Variants in DMGDH observed in about 807,000 individuals in gnomAD.
DMGDH encodes the protein dimethylglycine dehydrogenase.
Under a neutral mutation model 95.2 loss-of-function variants are expected in DMGDH, and 76 were observed. The ratio of observed to expected loss-of-function variants is 0.80; its 90% CI spans 0.66 to 0.97. The LOEUF (loss-of-function observed/expected upper bound fraction) is 0.97, where lower values mean the gene tolerates loss of function less well. Ranked by LOEUF, DMGDH falls within the 50% of genes least tolerant of loss-of-function variation. DMGDH has a pLI of 0.00. For synonymous variants in DMGDH, 345 were observed against 377.6 expected (o/e 0.91, Z 1.00); for missense variants, 987 against 1,055.0 (o/e 0.94, Z 0.89).
intron 1 of DMGDH, among the ~76,000 whole-genome samples, chr5:79,066,251 G>A (rs1442987810): frequency 6.6e-6 from 1 of 151,718 alleles, no homozygotes; most frequent in Non-Finnish European, 1.5e-5. Flanking sequence ...TGTGTTTTAT[G>A]ACCTTCACAT....
intron 5 of DMGDH, among the ~76,000 whole-genome samples, chr5:79,049,499 T>C (rs557925412): frequency 1.0e-3 from 159 of 152,214 alleles, no homozygotes; most frequent in Non-Finnish European, 1.6e-3. Flanking sequence ...CCACAGGTGC[T>C]GGATGTGGAA....
rs1753812908 is a variant in DMGDH at position 79,019,565 on chromosome 5, T to C, written c.2250+4706A>G. 1.3e-5 allele frequency among the ~76,000 whole-genome samples: 2 copies of C among 152,098 alleles called. 1 individual carries two copies. Among genetic ancestry groups the C allele is most frequent in the South Asian group, 4.2e-4 (2 of 4,818 alleles). On this transcript the variant is annotated intron_variant, in intron 14 of 15. Coordinates refer to ENST00000255189, the MANE Select transcript of DMGDH (RefSeq NM_013391.3). ...GGTCCATGTACTTAAATAAACTGCA[T>C]TGAAACTACCTGGAGGGCTTATTAG...
intron 14 of DMGDH, among the ~76,000 whole-genome samples, chr5:79,015,359 C>T (rs756857099): frequency 6.6e-6 from 1 of 152,166 alleles, no homozygotes; most frequent in Non-Finnish European, 1.5e-5. Flanking sequence ...GGAGAATGAT[C>T]TCCCAGTCAT....
At chr5:79,066,452 A>ATT (rs762509914) in intron 1 of DMGDH, among the ~76,000 whole-genome samples, 9 of 138,986 alleles carry the variant, frequency 6.5e-5, no homozygotes, top group East Asian at 2.1e-4. Flanking sequence ...CGCCCGGCTA[A>ATT]TTTTTTTTTT....
chr5:79,004,525 G>T (rs1025387645), intron 15 of DMGDH, among the ~76,000 whole-genome samples: 5 of 152,150 alleles, frequency 3.3e-5, no homozygotes, highest in Middle Eastern at 3.2e-3. Context: ...CCTCCCCATG[G>T]TCTAAGCTGG....
chr5:79,011,399 T>C (rs1172293972), intron 14 of DMGDH, among the ~76,000 whole-genome samples: 1 of 152,236 alleles, frequency 6.6e-6, no homozygotes, highest in African/African-American at 2.4e-5. Context: ...TATTCAGAGC[T>C]TCTTAACATT....
intron 14 of DMGDH, chr5:79,021,215 G>T (rs540768123): frequency 9.9e-7 from 1 of 1,005,174 alleles, no homozygotes; most frequent in African/African-American, 1.7e-5. Context: ...TGTTGTATGC[G>T]GCTGGAGAGC....
chr5:79,069,576 C>T lies in DMGDH; in HGVS notation c.45G>A (p.Arg15=), dbSNP rs991330843. The T allele has an allele frequency of 7.4e-6, 10 of 1,354,650 alleles. No individual in the cohort carries two copies. The highest frequency in any genetic ancestry group is 3.0e-5 in the African/African-American group (2 of 66,362). 83.9% of individuals were successfully genotyped at this position (1,354,650 alleles called of 1,614,324 possible). A position where few individuals can be genotyped will look rare whatever the true frequency, so the allele number is the denominator to read the frequency against. The change falls in exon 1 of 16, where the codon CGG becomes CGA. Residue 15 remains arginine (R), a synonymous_variant. Transcript: ENST00000255189. ...CGGGGGAGCCCTGCAGCGGGCAGCTCCGCAGCAGGAGGCCCCGCAGCAGCT... is the reference window on the plus strand; with the variant it reads ...CGGGGGAGCCCTGCAGCGGGCAGCTTCGCAGCAGGAGGCCCCGCAGCAGCT... The part of the protein sequence containing the change: ...GAQLLRGLLL[R]SCPLQGSPGR...
intron 14 of DMGDH, among the ~76,000 whole-genome samples, chr5:79,014,473 G>A (rs2112606226): frequency 6.6e-6 from 1 of 152,180 alleles, no homozygotes; most frequent in East Asian, 1.9e-4. Context: ...TTGCCCATTT[G>A]ATATTTTAAG....
intron 7 of DMGDH, among the ~76,000 whole-genome samples, chr5:79,036,907 C>G (rs1276196792): frequency 1.3e-5 from 2 of 151,998 alleles, no homozygotes; most frequent in Non-Finnish European, 2.9e-5. Context: ...AGATGGTACT[C>G]TAAATACTTT....
At chr5:79,050,692 T>A (rs1374588991) in intron 5 of DMGDH, among the ~76,000 whole-genome samples, 1 of 152,262 alleles carries the variant, frequency 6.6e-6, no homozygotes, top group African/African-American at 2.4e-5. Flanking sequence ...ATGACCCTTT[T>A]GGACCTTGCC....
intron 2 of DMGDH, among the ~76,000 whole-genome samples, chr5:79,060,951 G>A (rs1053532174): frequency 1.5e-4 from 22 of 151,182 alleles, no homozygotes; most frequent in Non-Finnish European, 3.1e-4. Context: ...GCCAGGCTTA[G>A]TGGCTCAAGC....
intron 5 of DMGDH, among the ~76,000 whole-genome samples, chr5:79,046,039 A>T (rs1197803727): frequency 1.3e-5 from 2 of 151,348 alleles, no homozygotes; most frequent in Admixed American, 1.3e-4. Context: ...AACTGTGGGC[A>T]TCAGAGCTAT....
Position 79,005,281 on chromosome 5 carries a change from T to C in DMGDH, c.2377A>G (p.Asn793Asp), listed in dbSNP as rs2112599457. ...DPEGNESIWYNGKVVGNTTSG... is the reference protein window; with the variant it reads ...DPEGNESIWYDGKVVGNTTSG... ...AGGTCCTCAGCACTCACCTTGCCATTGTACCAGATGCTTTCATTTCCCTCT... is the reference window on the plus strand; with the variant it reads ...AGGTCCTCAGCACTCACCTTGCCATCGTACCAGATGCTTTCATTTCCCTCT... The change falls in exon 15 of 16, where the codon AAT becomes GAT. Residue 793 changes from asparagine (N) to aspartate (D), a missense_variant. Asn to Asp is a conservative substitution (Grantham distance 23). Coordinates refer to ENST00000255189, the MANE Select transcript of DMGDH (RefSeq NM_013391.3). The C allele has an allele frequency of 6.2e-7, 1 of 1,613,702 alleles. No individual in the cohort carries two copies. Among genetic ancestry groups the C allele is most frequent in the South Asian group, 1.1e-5 (1 of 90,934 alleles).
intron 15 of DMGDH, chr5:79,000,524 A>G: frequency 8.4e-6 from 5 of 594,128 alleles, no homozygotes; most frequent in South Asian, 7.5e-5. Flanking sequence ...TCAATCAGAG[A>G]TAATTCTATT....
intron 4 of DMGDH, 126 bp downstream of exon 4, chr5:79,054,058 A>C: frequency 9.6e-7 from 1 of 1,038,720 alleles, no homozygotes; most frequent in Non-Finnish European, 1.4e-6. Flanking sequence ...TTCCAAAATT[A>C]ATCATATGAT....
chr5:79,044,811 AG>A (rs1754623710), intron 5 of DMGDH, among the ~76,000 whole-genome samples: 1 of 152,210 alleles, frequency 6.6e-6, no homozygotes, highest in African/African-American at 2.4e-5. Context: ...ATTGCCCATA[AG>A]CAAAGGTAGG....
intron 15 of DMGDH, among the ~76,000 whole-genome samples, chr5:78,999,100 A>G (rs1753408690): frequency 1.3e-5 from 2 of 152,220 alleles, no homozygotes; most frequent in African/African-American, 4.8e-5. Flanking sequence ...GGCACAGTGG[A>G]CTGCTTACAG....
intron 15 of DMGDH, among the ~76,000 whole-genome samples, chr5:79,001,327 C>T (rs1164308679): frequency 6.6e-6 from 1 of 152,118 alleles, no homozygotes; most frequent in Non-Finnish European, 1.5e-5. Context: ...CATGCCTGGC[C>T]AATTTTTGTA....
Sources: gnomAD v4.1 joint callset for allele counts (sites outside exome capture counted in the v4.1 genomes callset) on GRCh38, gnomAD v4.1.1 for gene constraint, MANE v1.5 for transcripts, NCBI Gene and HGNC (gene_info 2026-07-23, HGNC 2026-07-21) for gene names.